The following ZNF845 variants were observed in gnomAD, a reference collection of about 807,000 sequenced individuals.
ZNF845 encodes the protein zinc finger protein 845.
A neutral mutation model predicts 76.1 loss-of-function variants in ZNF845; 59 were observed. The observed-to-expected ratio is 0.78, with a 90% CI of 0.63 to 0.96. The LOEUF (loss-of-function observed/expected upper bound fraction) is 0.96, where lower values mean the gene tolerates loss of function less well. ZNF845 is among the 40% of genes least tolerant of loss of function. The probability of loss-of-function intolerance (pLI) is 0.00; values close to 1 mark genes in which losing one functional copy is unlikely to be tolerated. For missense variants in ZNF845, 1,045 were observed against 1,172.8 expected (o/e 0.89, Z 1.59); for synonymous variants, 361 against 386.9 (o/e 0.93, Z 0.78).
chr19:53,355,970 T>G lies in ZNF845; in HGVS notation c.*2382T>G, dbSNP rs2085383378. 6.6e-6 allele frequency: 1 copy of G among 152,196 alleles called. No individual in the cohort carries two copies. Among genetic ancestry groups the G allele is most frequent in the Admixed American group, 6.5e-5 (1 of 15,276 alleles). 9.4% of individuals were successfully genotyped at this position (152,196 alleles called of 1,614,324 possible). A position where few individuals can be genotyped will look rare whatever the true frequency, so the allele number is the denominator to read the frequency against. On this transcript the variant is annotated 3_prime_UTR_variant, in exon 4 of 4. Coordinates refer to ENST00000458035, the MANE Select transcript of ZNF845 (RefSeq NM_138374.3). ...TATGTTGAACCATCCTTGCATCCCA[T>G]GAATAGGTAGCACTTGGATGTTTAC...
At chr19:53,340,755 T>A (rs768415583) in intron 1 of ZNF845, 12 of 308,418 alleles carry the variant, frequency 3.9e-5, no homozygotes, top group Non-Finnish European at 7.1e-5. Context: ...CATCCCTGCC[T>A]GATCTGCCCT....
Position 53,354,623 on chromosome 19 carries a change from A to G in ZNF845, c.*1035A>G, listed in dbSNP as rs557872091. 2 of 153,856 alleles carry G rather than the reference A, an allele frequency of 1.3e-5. No homozygotes were observed. Among genetic ancestry groups the G allele is most frequent in the Admixed American group, 1.3e-4 (2 of 15,480 alleles). The allele number at this position is 153,856 out of a possible 1,614,324, so 9.5% of individuals were successfully genotyped here. ...CAATATTAAGACTTCCAATCCATCA[A>G]TATGGGTTGTATGTCTATTTAGTTT... On this transcript the variant is annotated 3_prime_UTR_variant, in exon 4 of 4. Transcript: ENST00000458035.
At chr19:53,344,608 A>T (rs1331890336) in intron 2 of ZNF845, among the ~76,000 whole-genome samples, 2 of 138,868 alleles carry the variant, frequency 1.4e-5, no homozygotes, top group Admixed American at 1.5e-4. Flanking sequence ...TATTTTATTT[A>T]TTTTATTTTA....
At position 53,354,541 on chromosome 19, in the gene ZNF845, C is replaced by G. The variant is rs548503769; in HGVS notation, c.*953C>G. ...TTTGTTTCTTTAATAAAAACTGTTA[C>G]GGGTTTTTATGGGTATCTGTTGAAT... On this transcript the variant is annotated 3_prime_UTR_variant, in exon 4 of 4. Transcript: ENST00000458035. The G allele has an allele frequency of 1.3e-5, 2 of 159,546 alleles. No homozygotes were observed. The highest frequency in any genetic ancestry group is 3.5e-4 in the South Asian group (2 of 5,652). The allele number at this position is 159,546 out of a possible 1,614,324, so 9.9% of individuals were successfully genotyped here.
intron 2 of ZNF845, among the ~76,000 whole-genome samples, chr19:53,342,822 T>A (rs2085266294): frequency 6.6e-6 from 1 of 152,150 alleles, no homozygotes; most frequent in African/African-American, 2.4e-5. Flanking sequence ...TATTTATTTA[T>A]TTATTTATTT....
chr19:53,350,777 C>T, intron 3 of ZNF845, 41 bp from the exon 4 acceptor site: 1 of 1,587,452 alleles, frequency 6.3e-7, no homozygotes, highest in East Asian at 2.2e-5. Context: ...TATTTACCAT[C>T]TATACTTAAG....
chr19:53,337,062 T>C (rs2085220304), intron 1 of ZNF845: 1 of 456,242 alleles, frequency 2.2e-6, no homozygotes, highest in African/African-American at 2.0e-5. Flanking sequence ...TCCATAGCCC[T>C]GTGTCCAGGG....
At chr19:53,346,097 G>A (rs2085294482) in intron 3 of ZNF845, among the ~76,000 whole-genome samples, 1 of 152,110 alleles carries the variant, frequency 6.6e-6, no homozygotes, top group Admixed American at 6.6e-5. Context: ...GGTTCCTGTT[G>A]ATTGAGCCAG....
At chr19:53,349,017 C>T (rs189706419) in intron 3 of ZNF845, among the ~76,000 whole-genome samples, 83 of 151,860 alleles carry the variant, frequency 5.5e-4, no homozygotes, top group African/African-American at 2.0e-3. Context: ...CCACCATGCC[C>T]AGCTAATTTT....
chr19:53,335,875 A>G (rs1228521260), intron 1 of ZNF845, among the ~76,000 whole-genome samples: 2 of 151,960 alleles, frequency 1.3e-5, no homozygotes, highest in African/African-American at 2.4e-5. Context: ...TGCTGGGATT[A>G]CAGGCATGAG....
chr19:53,338,912 C>G (rs2085236485), intron 1 of ZNF845, among the ~76,000 whole-genome samples: 1 of 130,388 alleles, frequency 7.7e-6, no homozygotes, highest in Non-Finnish European at 1.7e-5. Flanking sequence ...AATCCCATCT[C>G]TACTAAAAAA....
Position 53,353,021 on chromosome 19 carries a change from A to G in ZNF845, c.2346A>G (p.Lys782=). The change falls in exon 4 of 4, where the codon AAA becomes AAG. Residue 782 remains lysine, a synonymous_variant. Coordinates refer to ENST00000458035, the MANE Select transcript of ZNF845 (RefSeq NM_138374.3). The part of the protein sequence containing the change: ...EKPYKCKVCD[K]AFGRDSHLAQ... ...CATACAAATGTAAGGTTTGTGACAA[A>G]GCTTTTGGGCGTGATTCACACCTGG... 1.2e-6 allele frequency: 2 copies of G among 1,613,628 alleles called. No homozygotes were observed. The highest frequency in any genetic ancestry group is 1.7e-6 in the Non-Finnish European group (2 of 1,179,830).
At chr19:53,335,172 T>C (rs1271201103) in intron 1 of ZNF845, among the ~76,000 whole-genome samples, 1 of 152,198 alleles carries the variant, frequency 6.6e-6, no homozygotes, top group East Asian at 1.9e-4. Context: ...AGAGCCTCTC[T>C]TCCCTCTTCC....
Position 53,354,875 on chromosome 19 carries a change from T to C in ZNF845, c.*1287T>C, listed in dbSNP as rs2085373516. 1 of 151,980 alleles carries C rather than the reference T, an allele frequency of 6.6e-6. No homozygotes were observed. Among genetic ancestry groups the C allele is most frequent in the South Asian group, 2.1e-4 (1 of 4,824 alleles). The allele number at this position is 151,980 out of a possible 1,614,324, so 9.4% of individuals were successfully genotyped here. ...TAAAATCTTGGTTGATTCTTTGTGA[T>C]TTTCTTTCTTTTTTTTTTGAGACAG... is the stretch of plus-strand genomic sequence containing the variant. On this transcript the variant is annotated 3_prime_UTR_variant, in exon 4 of 4. Coordinates refer to ENST00000458035, the MANE Select transcript of ZNF845 (RefSeq NM_138374.3).
rs199971327 is a variant in ZNF845 at position 53,351,571 on chromosome 19, A to G, written c.896A>G (p.Tyr299Cys). Reference sequence around the variant, plus strand: ...AGACTTCATACTGGAGAGAAACATTACAAGTGCAGTGAGTGTGGCAAGACC... The same window carrying G: ...AGACTTCATACTGGAGAGAAACATTGCAAGTGCAGTGAGTGTGGCAAGACC... ...HHRLHTGEKH[Y>C]KCSECGKTFS... is the part of the protein sequence containing the mutation. The change falls in exon 4 of 4, where the codon TAC becomes TGC. Residue 299 changes from tyrosine (Y) to cysteine (C), a missense_variant. By Grantham distance (194) the Tyr-to-Cys change is radical. Transcript: ENST00000458035. 9.7e-5 allele frequency: 157 copies of G among 1,614,062 alleles called. 1 individual carries two copies. Among genetic ancestry groups the G allele is most frequent in the Non-Finnish European group, 1.2e-4 (147 of 1,180,006 alleles).
intron 1 of ZNF845, chr19:53,340,800 T>C: frequency 2.9e-6 from 1 of 345,208 alleles, no homozygotes; most frequent in Non-Finnish European, 5.2e-6. Flanking sequence ...GTTTCCCGTG[T>C]CCTCCTCCCT....
intron 3 of ZNF845, among the ~76,000 whole-genome samples, chr19:53,347,466 A>G (rs1298661417): frequency 6.1e-5 from 9 of 147,816 alleles, no homozygotes; most frequent in Admixed American, 5.4e-4. Flanking sequence ...TTTTCTGTAG[A>G]GATGGGGTTT....
Position 53,354,201 on chromosome 19 carries a change from C to G in ZNF845, c.*613C>G. Reference sequence around the variant, plus strand: ...TCATCAGTGTGGCAAGGTCTTCAGTCTGAGATCACCCCTTAAGGAACATCA... The same window carrying G: ...TCATCAGTGTGGCAAGGTCTTCAGTGTGAGATCACCCCTTAAGGAACATCA... On this transcript the variant is annotated 3_prime_UTR_variant, in exon 4 of 4. Transcript: ENST00000458035. 1.7e-6 allele frequency: 1 copy of G among 596,282 alleles called. No individual in the cohort carries two copies. The highest frequency in any genetic ancestry group is 3.1e-6 in the Non-Finnish European group (1 of 324,958). The allele number at this position is 596,282 out of a possible 1,614,324, so 36.9% of individuals were successfully genotyped here.
Position 53,353,299 on chromosome 19 carries a change from C to A in ZNF845, c.2624C>A (p.Ser875Ter), listed in dbSNP as rs1482755899. The A allele has an allele frequency of 2.5e-6, 4 of 1,613,288 alleles. No individual in the cohort carries two copies. The highest frequency in any genetic ancestry group is 1.7e-5 in the Admixed American group (1 of 59,930). The change falls in exon 4 of 4, where the codon TCA becomes TAA. Residue 875 changes from serine (S) to a stop codon, truncating the protein, a stop_gained. Transcript: ENST00000458035. LOFTEE classifies it high-confidence loss of function. ...GKVFNRKANL[S>*]RHHRLHTGEK... ...GTTTTTAATAGAAAAGCAAACCTTT[C>A]ACGTCATCATAGACTTCATACTGGA...
Sources: gnomAD v4.1 joint callset for allele counts (sites outside exome capture counted in the v4.1 genomes callset) on GRCh38, gnomAD v4.1.1 for gene constraint, MANE v1.5 for transcripts, NCBI Gene and HGNC (gene_info 2026-07-23, HGNC 2026-07-21) for gene names.